The following CACNA2D4 variants were observed in gnomAD, a reference collection of about 807,000 sequenced individuals.
CACNA2D4 encodes voltage-dependent calcium channel subunit alpha-2/delta-4.
CACNA2D4 carries 157 observed loss-of-function variants against 163.8 expected under a neutral mutation model. That is an observed-to-expected ratio of 0.96 (90% CI 0.84 to 1.09). The LOEUF (loss-of-function observed/expected upper bound fraction) is 1.09. CACNA2D4 is among the 50% of genes least tolerant of loss of function. The pLI is 0.00. For missense variants in CACNA2D4, 1,410 were observed against 1,479.9 expected (o/e 0.95, Z 0.78); for synonymous variants, 598 against 586.9 (o/e 1.02, Z -0.27).
intron 3 of CACNA2D4, 92 bp from the exon 4 acceptor site, chr12:1,910,057 TCCCAC>T: frequency 1.0e-6 from 1 of 1,004,450 alleles, no homozygotes; most frequent in Non-Finnish European, 1.6e-6. Context: ...GACCCAGCAA[TCCCAC>T]TCCTGGGTGT....
chr12:1,894,826 CA>C (rs1340581409), intron 6 of CACNA2D4, among the ~76,000 whole-genome samples: 3 of 151,592 alleles, frequency 2.0e-5, no homozygotes, highest in Admixed American at 1.3e-4. Flanking sequence ...AGAACTGGAA[CA>C]AAAAAAAGAT....
Position 1,884,879 on chromosome 12 carries a change from G to A in CACNA2D4, c.1161C>T (p.Phe387=). The part of the protein sequence containing the change: ...LREAFQILKQ[F]QEAKQGSLCN... ...AGAGGCTTCCTTGCTTGGCCTCTTG[G>A]AACTGTGTAGGGAAGAGGAGTGCCC... Residue 387 remains phenylalanine, a splice_region_variant and synonymous_variant, in exon 11 of 38, where the codon TTC becomes TTT. Transcript: ENST00000382722. 5 of 1,613,058 alleles carry A rather than the reference G, an allele frequency of 3.1e-6. No individual in the cohort carries two copies. The highest frequency in any genetic ancestry group is 4.2e-6 in the Non-Finnish European group (5 of 1,179,140).
chr12:1,897,539 A>G (rs1288623865), intron 6 of CACNA2D4, among the ~76,000 whole-genome samples: 2 of 152,238 alleles, frequency 1.3e-5, no homozygotes, highest in Non-Finnish European at 2.9e-5. Context: ...AGATGATGGC[A>G]CATTCAAATA....
chr12:1,810,193 G>A (rs1193089448), intron 29 of CACNA2D4, 85 bp downstream of exon 29: 2 of 1,154,076 alleles, frequency 1.7e-6, no homozygotes, highest in Non-Finnish European at 2.6e-6. Context: ...GGGGCCGTGG[G>A]GCTCTCTTTA....
intron 6 of CACNA2D4, among the ~76,000 whole-genome samples, chr12:1,900,168 C>T (rs1427481711): frequency 1.3e-5 from 2 of 152,146 alleles, no homozygotes; most frequent in African/African-American, 4.8e-5. Context: ...CTTGATCTGT[C>T]ACTCAGGCTG....
rs372783608 is a variant in CACNA2D4, at chr12:1,836,962, T to C, written c.2551+3777A>G. Reference sequence around the variant, plus strand: ...CGAGTCCTGGATCAGAGCCAGGCCCTGTGGCTGGGGGCAGTGAGCTCATGG... The same window carrying C: ...CGAGTCCTGGATCAGAGCCAGGCCCCGTGGCTGGGGGCAGTGAGCTCATGG... On this transcript the variant is annotated intron_variant, in intron 26 of 37. Coordinates refer to ENST00000382722, the MANE Select transcript of CACNA2D4 (RefSeq NM_172364.5). Among the ~76,000 whole-genome samples the C allele has an allele frequency of 9.8e-5, 15 of 152,304 alleles. No homozygotes were observed. The East Asian group carries it at 2.5e-3, about 26-fold the overall frequency.
At chr12:1,796,735 A>G (rs1304042369) in intron 35 of CACNA2D4, among the ~76,000 whole-genome samples, 1 of 152,038 alleles carries the variant, frequency 6.6e-6, no homozygotes, top group Non-Finnish European at 1.5e-5. Context: ...GGGTCTAGGG[A>G]CCGCCTGGCG....
chr12:1,847,315 T>C (rs2154447985), intron 23 of CACNA2D4, among the ~76,000 whole-genome samples: 1 of 152,346 alleles, frequency 6.6e-6, no homozygotes, highest in South Asian at 2.1e-4. Context: ...GATATTCTTG[T>C]CTTTGGCACA....
Position 1,828,929 on chromosome 12 carries a change from C to T in CACNA2D4, c.2551+11810G>A, listed in dbSNP as rs1276183198. ...ACCAGGTCAGCAAGGGCTGGTCTGCCCAAGGCTACACGGTGGCAGGGAGGA... is the reference window on the plus strand; with the variant it reads ...ACCAGGTCAGCAAGGGCTGGTCTGCTCAAGGCTACACGGTGGCAGGGAGGA... On this transcript the variant is annotated intron_variant, in intron 26 of 37. Coordinates refer to ENST00000382722, the MANE Select transcript of CACNA2D4 (RefSeq NM_172364.5). This position sits in a 1 kb window ranked among gnomAD's most constrained non-coding sequence, Gnocchi z 4.2. 1.3e-5 allele frequency among the ~76,000 whole-genome samples: 2 copies of T among 152,190 alleles called. No individual in the cohort carries two copies. Among genetic ancestry groups the T allele is most frequent in the East Asian group, 3.9e-4 (2 of 5,186 alleles).
In CACNA2D4 at chr12:1,918,334, A is replaced by G. The variant is rs2154454173; in HGVS notation, c.140T>C (p.Val47Ala). The G allele has an allele frequency of 1.2e-6, 2 of 1,609,464 alleles. 1 individual carries two copies. Among genetic ancestry groups the G allele is most frequent in the Middle Eastern group, 3.3e-4 (2 of 6,052 alleles). Reference sequence around the variant, plus strand: ...CCACAGGAGGGCCGAGGTCTTCTGCACAAAGGCCCAGGCCACGGGCATTGG... The same window carrying G: ...CCACAGGAGGGCCGAGGTCTTCTGCGCAAAGGCCCAGGCCACGGGCATTGG... ...LQPMPVAWAF[V>A]QKTSALLWLL... The change falls in exon 1 of 38, where the codon GTG (valine) becomes GCG (alanine). Residue 47 changes from valine to alanine, a missense_variant. Physicochemically the swap from Val to Ala is moderately conservative, Grantham distance 64. Transcript: ENST00000382722.
At chr12:1,801,157 C>A in intron 30 of CACNA2D4, 39 bp from the exon 31 acceptor site, 1 of 1,545,240 alleles carries the variant, frequency 6.5e-7, no homozygotes, top group Non-Finnish European at 8.9e-7. Flanking sequence ...TCCAAAGCCA[C>A]CCCCACCCCC....
chr12:1,815,435 C>T (rs963127894), intron 26 of CACNA2D4, among the ~76,000 whole-genome samples: 3 of 150,850 alleles, frequency 2.0e-5, no homozygotes, highest in Non-Finnish European at 4.4e-5. Flanking sequence ...CCCTGGCCTC[C>T]CGAGATAAAG....
At chr12:1,815,497 A>C (rs992398484) in intron 26 of CACNA2D4, among the ~76,000 whole-genome samples, 3 of 150,506 alleles carry the variant, frequency 2.0e-5, no homozygotes, top group Non-Finnish European at 2.9e-5. Context: ...TACTTTTTAA[A>C]TTTTCTAAGT....
At chr12:1,907,645 CCTGGTGGGCGTGT>C (rs59028831) in intron 5 of CACNA2D4, 74 bp from the exon 6 acceptor site, 227,249 of 1,359,822 alleles carry the variant, frequency 0.17, 29,051 homozygotes, top group East Asian at 0.55. Flanking sequence ...GGTGAGGGTG[CCTGGTGGGCGTGT>C]CTGGTGGGCG....
At chr12:1,886,855 C>T (rs1352834408) in intron 7 of CACNA2D4, among the ~76,000 whole-genome samples, 154 bp downstream of exon 7, 1 of 152,110 alleles carries the variant, frequency 6.6e-6, no homozygotes, top group East Asian at 1.9e-4. Flanking sequence ...GAATGCTGGC[C>T]CTCTTCCTGC....
At chr12:1,807,223 C>T (rs1863569367) in intron 29 of CACNA2D4, among the ~76,000 whole-genome samples, 1 of 151,726 alleles carries the variant, frequency 6.6e-6, no homozygotes, top group South Asian at 2.1e-4. Flanking sequence ...TGTGAGCTGC[C>T]CTGTGATGGG....
At chr12:1,866,885 G>C (rs547405589) in intron 18 of CACNA2D4, among the ~76,000 whole-genome samples, 2 of 149,014 alleles carry the variant, frequency 1.3e-5, no homozygotes, top group South Asian at 4.3e-4. Flanking sequence ...CTCCTTCCTT[G>C]GCCTCCCAAA....
rs970016038 is a variant in CACNA2D4, at chr12:1,799,858, G to A, written c.2974+142C>T. ...GGAGTGAGGGATGTGATGAGAGAAG[G>A]CCACGCAGGGTGAGATGTGAACAAC... On this transcript the variant is annotated intron_variant, in intron 33 of 37. Transcript: ENST00000382722. This position sits in a 1 kb window ranked among gnomAD's most constrained non-coding sequence, Gnocchi z 4.7. The A allele has an allele frequency of 1.4e-5, 18 of 1,251,542 alleles. No individual in the cohort carries two copies. The African/African-American group carries it at 2.5e-4, about 18-fold the overall frequency. 77.5% of individuals were successfully genotyped at this position (1,251,542 alleles called of 1,614,324 possible).
intron 18 of CACNA2D4, among the ~76,000 whole-genome samples, chr12:1,863,634 T>C (rs555014335): frequency 2.0e-5 from 3 of 152,374 alleles, no homozygotes; most frequent in South Asian, 4.1e-4. Context: ...AGGTCATATA[T>C]ACGTTTGTTA....
Sources: gnomAD v4.1 joint callset for allele counts (sites outside exome capture counted in the v4.1 genomes callset) on GRCh38, gnomAD v4.1.1 for gene constraint, Gnocchi (gnomAD v3.1) non-coding constraint, MANE v1.5 for transcripts, NCBI Gene and HGNC (gene_info 2026-07-23, HGNC 2026-07-21) for gene names.